PLXNA2: variants seen among roughly 807,000 people sequenced by gnomAD.
PLXNA2 encodes plexin-A2.
A neutral mutation model predicts 193.5 loss-of-function variants in PLXNA2; 91 were observed. That is an observed-to-expected ratio of 0.47 (90% confidence interval 0.40 to 0.56). The LOEUF (loss-of-function observed/expected upper bound fraction) is 0.56. Ranked by LOEUF, PLXNA2 falls within the 20% of genes least tolerant of loss-of-function variation. The probability of loss-of-function intolerance (pLI) is 0.00; values close to 1 mark genes in which losing one functional copy is unlikely to be tolerated. For synonymous variants in PLXNA2, 997 were observed against 1,027.3 expected, an observed-to-expected ratio of 0.97 and a Z score of 0.56; for missense variants, 1,995 against 2,503.2, an observed-to-expected ratio of 0.80 and a Z score of 4.33.
rs1278386172 is a variant in PLXNA2, at chr1:208,071,184, G to A, written c.2586+8076C>T. On this transcript the variant is annotated intron_variant, in intron 12 of 31. Coordinates refer to ENST00000367033, the MANE Select transcript of PLXNA2 (RefSeq NM_025179.4). ...TCAGAGCCTCCCAGAAGGAGAAGAG[G>A]TGCCGAAGAAGCCACTCCAGAATGG... 3.3e-5 allele frequency among the ~76,000 whole-genome samples: 5 copies of A among 152,318 alleles called. No individual in the cohort carries two copies. In the South Asian group the frequency reaches 1.0e-3, roughly 32 times the overall value.
At chr1:208,186,656 T>A (rs1670007566) in intron 3 of PLXNA2, among the ~76,000 whole-genome samples, 1 of 151,604 alleles carries the variant, frequency 6.6e-6, no homozygotes, top group Non-Finnish European at 1.5e-5. Flanking sequence ...TGGCCCCACA[T>A]CTGTAGAGAA....
intron 3 of PLXNA2, among the ~76,000 whole-genome samples, chr1:208,192,461 C>T (rs1283245734): frequency 1.3e-5 from 2 of 151,450 alleles, no homozygotes; most frequent in Non-Finnish European, 2.9e-5. Flanking sequence ...TTTTAAACAA[C>T]AAAAAAACCA....
chr1:208,185,045 C>T (rs1302279923), intron 3 of PLXNA2, among the ~76,000 whole-genome samples: 1 of 152,226 alleles, frequency 6.6e-6, no homozygotes, highest in African/African-American at 2.4e-5. Context: ...CCTCCCTACT[C>T]CTGGCATTGG....
chr1:208,238,678 A>G (rs1671944540), intron 1 of PLXNA2, among the ~76,000 whole-genome samples: 1 of 152,366 alleles, frequency 6.6e-6, no homozygotes, highest in Middle Eastern at 3.4e-3. Context: ...TATGAAGAAA[A>G]AGATTAAATC....
chr1:208,045,313 A>G, intron 18 of PLXNA2, 103 bp from the exon 19 acceptor site: 4 of 1,199,088 alleles, frequency 3.3e-6, no homozygotes, highest in Admixed American at 2.0e-5. Flanking sequence ...GCAGCAGTGC[A>G]AAAACCAGGA....
chr1:208,131,505 A>G (rs1332065241), intron 4 of PLXNA2, among the ~76,000 whole-genome samples: 1 of 152,192 alleles, frequency 6.6e-6, no homozygotes, highest in Non-Finnish European at 1.5e-5. Context: ...CGCTCCTGGA[A>G]GGAGCTGAAA....
At chr1:208,073,166 G>C (rs556457820) in intron 12 of PLXNA2, among the ~76,000 whole-genome samples, 1 of 152,382 alleles carries the variant, frequency 6.6e-6, no homozygotes, top group Admixed American at 6.5e-5. Flanking sequence ...TCTTATTAAA[G>C]AGAAGCAATT....
Position 208,171,729 on chromosome 1 carries a change from G to A in PLXNA2, c.1372-29266C>T, listed in dbSNP as rs144348098. Reference sequence around the variant, plus strand: ...ATTAGCCAGGCATGATGTGGCATGCGCCTGTAGTCCCAGCTACTTGGGAAG... The same window carrying A: ...ATTAGCCAGGCATGATGTGGCATGCACCTGTAGTCCCAGCTACTTGGGAAG... On this transcript the variant is annotated intron_variant, in intron 3 of 31. Coordinates refer to ENST00000367033, the MANE Select transcript of PLXNA2 (RefSeq NM_025179.4). Among the ~76,000 whole-genome samples the A allele has an allele frequency of 4.6e-5, 7 of 152,090 alleles. No homozygotes were observed. In the East Asian group the frequency reaches 7.8e-4, roughly 17 times the overall value.
intron 3 of PLXNA2, among the ~76,000 whole-genome samples, chr1:208,208,986 CA>C: frequency 6.6e-6 from 1 of 152,302 alleles, no homozygotes; most frequent in Non-Finnish European, 1.5e-5. Context: ...GAATTTCACA[CA>C]GCAACTCCTT....
At chr1:208,214,371 G>C (rs1262140046) in intron 2 of PLXNA2, among the ~76,000 whole-genome samples, 1 of 152,116 alleles carries the variant, frequency 6.6e-6, no homozygotes, top group Non-Finnish European at 1.5e-5. Context: ...AAAATTTACA[G>C]CTCAGACCAG....
chr1:208,031,949 G>A lies in PLXNA2; in HGVS notation c.5056-190C>T, dbSNP rs573848872. 1.8e-5 allele frequency: 18 copies of A among 979,826 alleles called. No individual in the cohort carries two copies. The South Asian group carries it at 8.5e-4, about 46-fold the overall frequency. 60.7% of individuals were successfully genotyped at this position (979,826 alleles called of 1,614,324 possible). On this transcript the variant is annotated intron_variant, in intron 28 of 31. Coordinates refer to ENST00000367033, the MANE Select transcript of PLXNA2 (RefSeq NM_025179.4). ...GGAGGTGGGAGAAACTGGGTGGGCT[G>A]TGAATCCTGGGGAAGAATCTCTCCT...
chr1:208,149,541 T>C (rs748868920), intron 3 of PLXNA2, among the ~76,000 whole-genome samples: 1 of 151,598 alleles, frequency 6.6e-6, no homozygotes, highest in African/African-American at 2.4e-5. Context: ...GTATGCAGTA[T>C]GTGTGTATAA....
chr1:208,044,003 G>A lies in PLXNA2; in HGVS notation c.3874+505C>T, dbSNP rs898160146. On this transcript the variant is annotated intron_variant, in intron 20 of 31. Coordinates refer to ENST00000367033, the MANE Select transcript of PLXNA2 (RefSeq NM_025179.4). The surrounding 1 kb of genome is among the most constrained non-coding windows in gnomAD (Gnocchi z 4.9). ...ATCTGCACTCCCACACACGTCCACA[G>A]CCAAGGACACCAGCAAGTGGCGGCC... Among the ~76,000 whole-genome samples, 2 of 152,240 alleles carry A rather than the reference G, an allele frequency of 1.3e-5. No individual in the cohort carries two copies. Among genetic ancestry groups the A allele is most frequent in the Non-Finnish European group, 2.9e-5 (2 of 68,036 alleles).
chr1:208,220,989 C>G (rs1164339423), intron 1 of PLXNA2, among the ~76,000 whole-genome samples: 1 of 152,142 alleles, frequency 6.6e-6, no homozygotes, highest in South Asian at 2.1e-4. Context: ...CCAATATAGC[C>G]TCTCCGCAGA....
chr1:208,167,745 CTA>C (rs1386423303), intron 3 of PLXNA2, among the ~76,000 whole-genome samples: 4 of 152,228 alleles, frequency 2.6e-5, no homozygotes, highest in Non-Finnish European at 5.9e-5. Context: ...TGCATAATGA[CTA>C]TGTTTCTGCT....
intron 12 of PLXNA2, among the ~76,000 whole-genome samples, chr1:208,070,231 T>C (rs1665937441): frequency 6.6e-6 from 1 of 152,222 alleles, no homozygotes; most frequent in Non-Finnish European, 1.5e-5. Context: ...AAGAAGTGCA[T>C]AGCCAGGACT....
chr1:208,106,685 G>T (rs1667280612), intron 4 of PLXNA2, among the ~76,000 whole-genome samples: 2 of 152,202 alleles, frequency 1.3e-5, no homozygotes, highest in Admixed American at 6.5e-5. Flanking sequence ...ATGTTGAAGA[G>T]ATATTTTGCT....
At chr1:208,083,197 T>A (rs1666403335) in intron 10 of PLXNA2, among the ~76,000 whole-genome samples, 1 of 152,140 alleles carries the variant, frequency 6.6e-6, no homozygotes, top group East Asian at 1.9e-4. Context: ...ACAGACCTCA[T>A]CAGCCCACAG....
At chr1:208,224,741 G>C (rs954718986) in intron 1 of PLXNA2, among the ~76,000 whole-genome samples, 31 of 152,182 alleles carry the variant, frequency 2.0e-4, no homozygotes, top group African/African-American at 7.5e-4. Flanking sequence ...ATAGGTCTCT[G>C]CCTGCATGTA....
Sources: allele counts gnomAD v4.1 joint callset (sites outside exome capture counted in the v4.1 genomes callset), GRCh38; gene constraint gnomAD v4.1.1; non-coding constraint Gnocchi (gnomAD v3.1); transcripts MANE v1.5; gene names NCBI Gene and HGNC (gene_info 2026-07-23, HGNC 2026-07-21).